KANK1: variants seen among roughly 807,000 people sequenced by gnomAD.
KANK1 encodes KN motif and ankyrin repeat domain-containing protein 1.
Under a neutral mutation model 106.2 loss-of-function variants are expected in KANK1, and 109 were observed. The ratio of observed to expected loss-of-function variants is 1.03; its 90% CI spans 0.88 to 1.20. KANK1 has a LOEUF of 1.20. Among genes scored for constraint, KANK1 ranks in the 50% most tolerant of loss-of-function variants. The pLI is 0.00. For missense variants in KANK1, 2,399 were observed against 1,710.7 expected (o/e 1.40, Z -7.10); for synonymous variants, 873 against 652.2 (o/e 1.34, Z -5.16).
In KANK1 at chr9:566,020, C is replaced by T. The variant is rs768031784; in HGVS notation, c.-84+61266C>T. 4.9e-4 allele frequency among the ~76,000 whole-genome samples: 74 copies of T among 152,178 alleles called. 1 individual carries two copies. The highest frequency in any genetic ancestry group is 1.9e-4 in the Non-Finnish European group (13 of 68,036). On this transcript the variant is annotated intron_variant, in intron 1 of 11. Coordinates refer to ENST00000382297, the MANE Select transcript of KANK1 (RefSeq NM_015158.5). Reference sequence around the variant, plus strand: ...CTTCACCCTCTGCTTCCTCCCCAACCTCCACCCTCCATTAGGCTGCAGTGT... The same window carrying T: ...CTTCACCCTCTGCTTCCTCCCCAACTTCCACCCTCCATTAGGCTGCAGTGT...
chr9:555,315 G>C (rs1314176809), intron 1 of KANK1, among the ~76,000 whole-genome samples: 1 of 152,050 alleles, frequency 6.6e-6, no homozygotes, highest in East Asian at 1.9e-4. Flanking sequence ...AAGACAGTGG[G>C]GACACCTGCC....
chr9:580,388 C>A (rs776446312), intron 1 of KANK1, among the ~76,000 whole-genome samples: 2 of 152,142 alleles, frequency 1.3e-5, no homozygotes, highest in Non-Finnish European at 2.9e-5. Context: ...TGGGAGGGGA[C>A]CTGAGCAGGT....
chr9:693,463 A>T, intron 2 of KANK1: 1 of 985,410 alleles, frequency 1.0e-6, no homozygotes, highest in Non-Finnish European at 1.2e-6. Flanking sequence ...TCAGCATTTC[A>T]TATGCCTGAA....
chr9:572,081 T>C (rs528645900), intron 1 of KANK1, among the ~76,000 whole-genome samples: 1 of 151,980 alleles, frequency 6.6e-6, no homozygotes, highest in African/African-American at 2.4e-5. Context: ...TTAAAACAAA[T>C]TAAAAATGGA....
intron 1 of KANK1, chr9:539,472 A>G (rs2060472522): frequency 6.6e-6 from 1 of 152,066 alleles, no homozygotes; most frequent in Non-Finnish European, 1.5e-5. Flanking sequence ...CTCCTTGGTT[A>G]AATTTATTAC....
At chr9:679,858 A>G (rs1376170098) in intron 2 of KANK1, among the ~76,000 whole-genome samples, 1 of 152,194 alleles carries the variant, frequency 6.6e-6, no homozygotes, top group African/African-American at 2.4e-5. Flanking sequence ...AGAATATGTT[A>G]ATAAAAATCA....
chr9:636,337 A>G (rs993389426), intron 1 of KANK1, among the ~76,000 whole-genome samples: 1 of 152,176 alleles, frequency 6.6e-6, no homozygotes, highest in African/African-American at 2.4e-5. Flanking sequence ...TGCTTCTCAT[A>G]TTAGCACTGC....
chr9:704,334 C>T lies in KANK1; in HGVS notation c.38-6470C>T, dbSNP rs76036038. 8.8e-3 allele frequency among the ~76,000 whole-genome samples: 1,337 copies of T among 152,314 alleles called. 26 individuals are homozygous for T. Among genetic ancestry groups the T allele is most frequent in the African/African-American group, 0.031 (1,292 of 41,558 alleles). On this transcript the variant is annotated intron_variant, in intron 2 of 11. Transcript: ENST00000382297. ...GAGGCCCAAGTTCCTTCTAGTACAT[C>T]GTTCCTCCACCCCTAGATATGAACT...
intron 1 of KANK1, among the ~76,000 whole-genome samples, chr9:534,962 A>G (rs796751591): frequency 2.3e-4 from 35 of 152,226 alleles, no homozygotes; most frequent in African/African-American, 8.2e-4. Flanking sequence ...GTAAGAAGCC[A>G]GACCAGAGAA....
intron 1 of KANK1, among the ~76,000 whole-genome samples, chr9:609,088 T>G (rs1005624354): frequency 6.6e-6 from 1 of 151,886 alleles, no homozygotes; most frequent in East Asian, 1.9e-4. Flanking sequence ...GAAGAAGACT[T>G]GACCCCTAAC....
intron 1 of KANK1, among the ~76,000 whole-genome samples, chr9:670,977 T>TTG (rs1845768156): frequency 1.8e-5 from 2 of 113,674 alleles, no homozygotes; most frequent in African/African-American, 6.5e-5. Context: ...TTTTTTTTTT[T>TTG]TACTTCTCAG....
chr9:472,534 A>T (rs142292822), intron 2 of KANK1, among the ~76,000 whole-genome samples: 2 of 152,284 alleles, frequency 1.3e-5, no homozygotes, highest in Non-Finnish European at 2.9e-5. Flanking sequence ...CTCCTCTTGA[A>T]TCAGGCATGG....
intron 1 of KANK1, among the ~76,000 whole-genome samples, chr9:600,284 GCTGT>G (rs1563836739): frequency 6.6e-6 from 1 of 151,576 alleles, no homozygotes; most frequent in Non-Finnish European, 1.5e-5. Flanking sequence ...GGAATCACAC[GCTGT>G]CTGTCTTTTT....
chr9:744,368 C>T (rs778839079), intron 10 of KANK1, 123 bp from the exon 11 acceptor site: 91 of 1,143,200 alleles, frequency 8.0e-5, no homozygotes, highest in East Asian at 4.4e-4. Context: ...CCCAGAAGAC[C>T]GAACGAGTAG....
rs779318226 is a variant in KANK1 at position 730,182 on chromosome 9, C to T, written c.2830C>T (p.Pro944Ser). The change falls in exon 4 of 12, where the codon CCC becomes TCC. Residue 944 changes from proline (P) to serine (S), a missense_variant. Coordinates refer to ENST00000382297, the MANE Select transcript of KANK1 (RefSeq NM_015158.5). ...GKPISSLDAF[P>S]TQEGTLSPVN... ...GCCAATCAGCAGCCTGGATGCCTTCCCCACTCAGGAAGGTACGCTGTCTCC... is the reference window on the plus strand; with the variant it reads ...GCCAATCAGCAGCCTGGATGCCTTCTCCACTCAGGAAGGTACGCTGTCTCC... 2.3e-5 allele frequency: 37 copies of T among 1,614,184 alleles called. No homozygotes were observed. The highest frequency in any genetic ancestry group is 3.1e-5 in the Non-Finnish European group (36 of 1,180,028).
At chr9:657,170 T>A (rs760826915) in intron 1 of KANK1, among the ~76,000 whole-genome samples, 5 of 152,218 alleles carry the variant, frequency 3.3e-5, no homozygotes, top group African/African-American at 4.8e-5. Flanking sequence ...TCTTCAAGTT[T>A]CCATTCTATT....
chr9:734,972 G>C (rs916228390), intron 7 of KANK1, 137 bp downstream of exon 7: 38 of 654,624 alleles, frequency 5.8e-5, no homozygotes, highest in South Asian at 4.1e-4. Context: ...GAGTGGGCTG[G>C]GTAAACATCA....
rs1238338164 is a variant in KANK1 at position 712,292 on chromosome 9, C to A, written c.1526C>A (p.Pro509Gln). 3 of 1,614,198 alleles carry A rather than the reference C, an allele frequency of 1.9e-6. No individual in the cohort carries two copies. The South Asian group carries it at 3.3e-5, about 18-fold the overall frequency. Residue 509 changes from proline to glutamine, a missense_variant, in exon 3 of 12, where the codon CCG becomes CAG. Coordinates refer to ENST00000382297, the MANE Select transcript of KANK1 (RefSeq NM_015158.5). ...KKVDKATMAQ[P>Q]LVFSKVVEAV... ...GTTGACAAAGCCACGATGGCCCAGC[C>A]GCTTGTTTTCAGTAAGGTGGTGGAG...
chr9:644,579 T>G (rs1044934139), intron 1 of KANK1, among the ~76,000 whole-genome samples: 5 of 150,460 alleles, frequency 3.3e-5, no homozygotes, highest in African/African-American at 1.3e-4. Context: ...CGCTTTTAAA[T>G]AACCAGATCT....
Sources: allele counts gnomAD v4.1 joint callset (sites outside exome capture counted in the v4.1 genomes callset), GRCh38; gene constraint gnomAD v4.1.1; transcripts MANE v1.5; gene names NCBI Gene and HGNC (gene_info 2026-07-23, HGNC 2026-07-21).